SMARCA4: variants seen among roughly 807,000 people sequenced by gnomAD.
The protein encoded by SMARCA4 is SWI/SNF related BAF chromatin remodeling complex subunit ATPase 4, also known as SWI/SNF-related matrix-associated actin-dependent regulator of chromatin subfamily A member 4.
In SMARCA4, 31 loss-of-function variants were observed where a neutral mutation model predicts 193.9. The ratio of observed to expected loss-of-function variants is 0.16; its 90% CI spans 0.12 to 0.22. SMARCA4 has a LOEUF of 0.22. Ranked by LOEUF, SMARCA4 falls within the 10% of genes least tolerant of loss-of-function variation. SMARCA4 has a pLI of 1.00. For missense variants in SMARCA4, 1,148 were observed against 2,296.0 expected (o/e 0.50, Z 10.22); for synonymous variants, 942 against 933.1 (o/e 1.01, Z -0.17).
chr19:11,008,564 G>C (rs184362245), intron 14 of SMARCA4, among the ~76,000 whole-genome samples: 20 of 152,290 alleles, frequency 1.3e-4, no homozygotes, highest in African/African-American at 4.6e-4. Flanking sequence ...TTCGTAGCCT[G>C]TCCTTTGGTG....
At chr19:11,054,752 G>A (rs1376034170) in intron 30 of SMARCA4, among the ~76,000 whole-genome samples, 1 of 152,220 alleles carries the variant, frequency 6.6e-6, no homozygotes, top group African/African-American at 2.4e-5. Context: ...TCACGCCACT[G>A]CATGATGTGT....
rs759896283 is a variant in SMARCA4, at chr19:11,007,899, TAGG to T, written c.2010_2012del (p.Glu672del). 3 of 1,613,302 alleles carry T rather than the reference TAGG, an allele frequency of 1.9e-6. No individual in the cohort carries two copies. Among genetic ancestry groups the T allele is most frequent in the Non-Finnish European group, 1.7e-6 (2 of 1,179,624 alleles). Reference sequence around the variant, plus strand: ...GAGGTGACATGGGCTTGTCTCTTGGTAGGAGGAGGAGGAAGAGCAGCCGCAGGC... The same window carrying T: ...GAGGTGACATGGGCTTGTCTCTTGGTAGGAGGAGGAAGAGCAGCCGCAGGC... On this transcript the variant is annotated splice_acceptor_variant and coding_sequence_variant, in exon 14 of 35. Transcript: ENST00000344626. LOFTEE classifies it high-confidence loss of function.
intron 9 of SMARCA4, chr19:10,995,484 G>A (rs1467829655): frequency 4.4e-6 from 2 of 456,912 alleles, no homozygotes; most frequent in East Asian, 6.9e-5. Flanking sequence ...AAACAGAGTA[G>A]TGGATGGTGA....
intron 13 of SMARCA4, among the ~76,000 whole-genome samples, chr19:11,006,840 C>A (rs1279689234): frequency 6.6e-6 from 1 of 151,796 alleles, no homozygotes; most frequent in South Asian, 2.1e-4. Context: ...AATCCCAGCA[C>A]TTTGGGAGGC....
At chr19:10,976,102 C>T (rs922486857) in intron 1 of SMARCA4, among the ~76,000 whole-genome samples, 1 of 152,170 alleles carries the variant, frequency 6.6e-6, no homozygotes, top group African/African-American at 2.4e-5. Flanking sequence ...CTAAGCGGCA[C>T]CGTGTAAGAC....
At chr19:11,024,529 G>A (rs2090113350) in intron 21 of SMARCA4, 91 bp downstream of exon 21, 3 of 814,926 alleles carry the variant, frequency 3.7e-6, no homozygotes, top group Non-Finnish European at 6.3e-6. Flanking sequence ...TGACCATCGG[G>A]TCATGATCTG....
chr19:11,034,315 A>T lies in SMARCA4; in HGVS notation c.3951+115A>T. On this transcript the variant is annotated intron_variant, in intron 28 of 34. Coordinates refer to ENST00000344626, the MANE Select transcript of SMARCA4 (RefSeq NM_003072.5). The surrounding 1 kb of genome is among the most constrained non-coding windows in gnomAD (Gnocchi z 7.0). ...TCCCTAGCAGGTCAGGGAGCCAGGG[A>T]CAGCTCACAGTGCAGCCCACTCCCA... is the stretch of plus-strand genomic sequence containing the variant. 2.4e-6 allele frequency: 2 copies of T among 821,768 alleles called. No individual in the cohort carries two copies. Among genetic ancestry groups the T allele is most frequent in the South Asian group, 2.8e-5 (2 of 71,370 alleles). The allele number at this position is 821,768 out of a possible 1,614,324, so 50.9% of individuals were successfully genotyped here. A position where few individuals can be genotyped will look rare whatever the true frequency, so the allele number is the denominator to read the frequency against.
intron 12 of SMARCA4, 47 bp downstream of exon 12, chr19:11,003,206 G>A (rs201215321): frequency 1.2e-5 from 19 of 1,613,012 alleles, no homozygotes; most frequent in Admixed American, 1.7e-5. Context: ...CCAAGTCCTC[G>A]GTGGGCCTTG....
In SMARCA4 at chr19:10,986,862, C is replaced by A; in HGVS notation, c.761-43C>A. 1 of 1,527,506 alleles carries A rather than the reference C, an allele frequency of 6.5e-7. No individual in the cohort carries two copies. Among genetic ancestry groups the A allele is most frequent in the South Asian group, 1.1e-5 (1 of 89,458 alleles). The allele number at this position is 1,527,506 out of a possible 1,614,324, so 94.6% of individuals were successfully genotyped here. On this transcript the variant is annotated intron_variant, in intron 4 of 34. Coordinates refer to ENST00000344626, the MANE Select transcript of SMARCA4 (RefSeq NM_003072.5). The surrounding 1 kb of genome is among the most constrained non-coding windows in gnomAD (Gnocchi z 6.7). ...CCACGGGGCTGGGCGCAGGCATAAA[C>A]CTGGGACGCACTGTTTTCTCTTTTG... is the stretch of plus-strand genomic sequence containing the variant.
rs750442110 is a variant in SMARCA4, at chr19:10,985,426, C to T, written c.355+21C>T. 2.4e-5 allele frequency: 39 copies of T among 1,612,898 alleles called. No homozygotes were observed. The highest frequency in any genetic ancestry group is 3.2e-5 in the Non-Finnish European group (38 of 1,179,746). On this transcript the variant is annotated intron_variant, in intron 3 of 34. Transcript: ENST00000344626. This position sits in a 1 kb window ranked among gnomAD's most constrained non-coding sequence, Gnocchi z 4.5. ...CCAAGGTACAGAACTGCGTTCCTTCCTGCCTTGTGTTTGTCATACTCCAGA... is the reference window on the plus strand; with the variant it reads ...CCAAGGTACAGAACTGCGTTCCTTCTTGCCTTGTGTTTGTCATACTCCAGA...
intron 1 of SMARCA4, among the ~76,000 whole-genome samples, chr19:10,982,076 C>T (rs745725566): frequency 6.6e-6 from 1 of 152,120 alleles, no homozygotes; most frequent in Non-Finnish European, 1.5e-5. Context: ...CGGTGGCTCA[C>T]ACCTGTAATC....
At position 11,057,870 on chromosome 19, in the gene SMARCA4, A is replaced by AGGC. The variant is rs539827073; in HGVS notation, c.4425-382_4425-380dup. 5.1e-3 allele frequency among the ~76,000 whole-genome samples: 774 copies of AGGC among 152,166 alleles called. 6 individuals carry two copies. Among genetic ancestry groups the AGGC allele is most frequent in the African/African-American group, 0.018 (747 of 41,496 alleles). ...GTAATCCCAGCACTTTGGGATGCTG[A>AGGC]GGCGGGCTGATCACCTGAGGTCGGG... On this transcript the variant is annotated intron_variant, in intron 30 of 34. Transcript: ENST00000344626.
chr19:11,021,952 C>G lies in SMARCA4; in HGVS notation c.2844C>G (p.Ala948=), dbSNP rs1370371016. The G allele has an allele frequency of 1.9e-6, 3 of 1,612,330 alleles. No individual in the cohort carries two copies. In the South Asian group the frequency reaches 3.3e-5, roughly 18 times the overall value. The change falls in exon 19 of 35, where the codon GCC becomes GCG. Residue 948 remains alanine (A), a synonymous_variant. Transcript: ENST00000344626. Reference sequence around the variant, plus strand: ...AGCAGTGGTTTAACGCACCCTTTGCCATGACCGGGGAAAAGGTGGGTTTGC... The same window carrying G: ...AGCAGTGGTTTAACGCACCCTTTGCGATGACCGGGGAAAAGGTGGGTTTGC... ...TFEQWFNAPF[A]MTGEKVDLNE... is the part of the protein sequence containing the mutation.
At chr19:11,049,237 G>A (rs1373034195) in intron 30 of SMARCA4, among the ~76,000 whole-genome samples, 1 of 152,066 alleles carries the variant, frequency 6.6e-6, no homozygotes, top group Non-Finnish European at 1.5e-5. Context: ...GCCAGCACCA[G>A]GGGCCTCACA....
chr19:11,026,456 A>G (rs867901763), intron 23 of SMARCA4, 110 bp downstream of exon 23: 32 of 811,196 alleles, frequency 3.9e-5, no homozygotes, highest in South Asian at 3.9e-4. Flanking sequence ...AAAGGCAGAA[A>G]ATTAGAAAAT....
chr19:11,018,581 C>T (rs930421953), intron 16 of SMARCA4, among the ~76,000 whole-genome samples: 2 of 152,252 alleles, frequency 1.3e-5, no homozygotes, highest in African/African-American at 4.8e-5. Flanking sequence ...CTCCACAGCA[C>T]TGTTGCTAGC....
intron 9 of SMARCA4, chr19:10,995,295 G>C: frequency 1.7e-6 from 1 of 582,050 alleles, no homozygotes; most frequent in Admixed American, 2.2e-5. Context: ...CAGGTGGTGT[G>C]ATCCAGACCC....
chr19:11,009,006 A>ATTT (rs1568464528), intron 14 of SMARCA4, among the ~76,000 whole-genome samples: 1 of 48,716 alleles, frequency 2.1e-5, no homozygotes, highest in African/African-American at 1.3e-4. Context: ...GATAAAAGTC[A>ATTT]CTTTTTTTTT....
chr19:11,012,166 G>A (rs542252184), intron 15 of SMARCA4, among the ~76,000 whole-genome samples: 1 of 152,316 alleles, frequency 6.6e-6, no homozygotes, highest in East Asian at 1.9e-4. Flanking sequence ...GAGGTCAGGA[G>A]TTTGAGACCA....
Sources: gnomAD v4.1 joint callset for allele counts (sites outside exome capture counted in the v4.1 genomes callset) on GRCh38, gnomAD v4.1.1 for gene constraint, Gnocchi (gnomAD v3.1) non-coding constraint, MANE v1.5 for transcripts, NCBI Gene and HGNC (gene_info 2026-07-23, HGNC 2026-07-21) for gene names.